The following CHRM2 variants were observed in gnomAD, a reference collection of about 807,000 sequenced individuals.
The protein encoded by CHRM2 is cholinergic receptor muscarinic 2, also known as muscarinic acetylcholine receptor M2.
In CHRM2, 8 loss-of-function variants were observed where a neutral mutation model predicts 25.0. That is an observed-to-expected ratio of 0.32 (90% CI 0.19 to 0.58). The LOEUF (loss-of-function observed/expected upper bound fraction) is 0.58, where lower values mean the gene tolerates loss of function less well. CHRM2 is among the 20% of genes least tolerant of loss of function. The pLI, the probability that CHRM2 is intolerant of heterozygous loss-of-function variation, is 0.88. For synonymous variants in CHRM2, 202 were observed against 205.7 expected, an observed-to-expected ratio of 0.98 and a Z score of 0.15; for missense variants, 440 against 567.1, an observed-to-expected ratio of 0.78 and a Z score of 2.28.
At chr7:136,985,430 A>T (rs1203334512) in intron 2 of CHRM2, among the ~76,000 whole-genome samples, 2 of 149,442 alleles carry the variant, frequency 1.3e-5, no homozygotes, top group Non-Finnish European at 3.0e-5. Flanking sequence ...GAATCGCTTG[A>T]ACCCGGCAGG....
At chr7:136,904,297 AAC>A (rs1396474491) in intron 2 of CHRM2, among the ~76,000 whole-genome samples, 1 of 151,882 alleles carries the variant, frequency 6.6e-6, no homozygotes, top group Non-Finnish European at 1.5e-5. Flanking sequence ...CATTTTTTAC[AAC>A]AGTTTTAAAA....
intron 3 of CHRM2, among the ~76,000 whole-genome samples, chr7:136,996,189 T>A (rs933289690): frequency 6.6e-5 from 10 of 151,950 alleles, no homozygotes; most frequent in Non-Finnish European, 1.2e-4. Context: ...CAGTTTAAAG[T>A]ATAAAATATA....
intron 2 of CHRM2, chr7:136,899,165 G>A (rs1022809455): frequency 6.6e-6 from 1 of 152,032 alleles, no homozygotes; most frequent in Non-Finnish European, 1.5e-5. Context: ...AAGCTAGTGG[G>A]AAAGTCCCTT....
intron 3 of CHRM2, among the ~76,000 whole-genome samples, chr7:136,995,873 T>A (rs1279431172): frequency 2.0e-5 from 3 of 151,878 alleles, no homozygotes; most frequent in Non-Finnish European, 4.4e-5. Flanking sequence ...ATAATAAAGA[T>A]AATTAAAAAT....
At chr7:136,936,989 C>T (rs1228822808) in intron 2 of CHRM2, among the ~76,000 whole-genome samples, 1 of 152,132 alleles carries the variant, frequency 6.6e-6, no homozygotes, top group Non-Finnish European at 1.5e-5. Flanking sequence ...CCATTTGTAT[C>T]AAACTAGTCA....
intron 2 of CHRM2, 119 bp from the exon 3 acceptor site, chr7:136,992,068 T>TTC (rs1803267799): frequency 6.6e-6 from 1 of 152,184 alleles, no homozygotes; most frequent in South Asian, 2.1e-4. Context: ...CAACAGACTT[T>TTC]TCTCTCAAGA....
intron 2 of CHRM2, 122 bp from the exon 3 acceptor site, chr7:136,992,065 C>T (rs1484150401): frequency 6.6e-6 from 1 of 152,146 alleles, no homozygotes; most frequent in Non-Finnish European, 1.5e-5. Flanking sequence ...TCACAACAGA[C>T]TTTTCTCTCA....
chr7:136,979,285 C>G (rs1351661280), intron 2 of CHRM2, among the ~76,000 whole-genome samples: 7 of 151,930 alleles, frequency 4.6e-5, no homozygotes, highest in Admixed American at 4.6e-4. Context: ...TGCCCACTTT[C>G]TGATGGAATT....
intron 2 of CHRM2, among the ~76,000 whole-genome samples, chr7:136,873,324 AC>A (rs1795916718): frequency 6.6e-6 from 1 of 152,170 alleles, no homozygotes; most frequent in South Asian, 2.1e-4. Context: ...GATGCAAGTC[AC>A]CTTTCCTTAG....
chr7:136,906,249 A>G (rs1797540160), intron 2 of CHRM2, among the ~76,000 whole-genome samples: 1 of 150,944 alleles, frequency 6.6e-6, no homozygotes, highest in African/African-American at 2.4e-5. Flanking sequence ...CATATTATAC[A>G]TATATATGTG....
At chr7:136,954,939 C>A (rs935724189) in intron 2 of CHRM2, among the ~76,000 whole-genome samples, 1 of 152,174 alleles carries the variant, frequency 6.6e-6, no homozygotes, top group African/African-American at 2.4e-5. Context: ...TTCCTCAACA[C>A]AGACCTATAT....
At chr7:136,978,040 G>GAT (rs4032739) in intron 2 of CHRM2, among the ~76,000 whole-genome samples, 129,836 of 151,626 alleles carry the variant, frequency 0.86, 56,393 homozygotes, top group Middle Eastern at 0.97. Context: ...CTTAATATAA[G>GAT]AAATAGACAC....
chr7:136,949,620 C>A (rs1022706682), intron 2 of CHRM2, among the ~76,000 whole-genome samples: 1 of 151,940 alleles, frequency 6.6e-6, no homozygotes, highest in Non-Finnish European at 1.5e-5. Flanking sequence ...AGAACAAGAT[C>A]CTGTATTGAA....
intron 3 of CHRM2, among the ~76,000 whole-genome samples, chr7:136,993,886 G>A (rs1237273010): frequency 6.6e-6 from 1 of 151,938 alleles, no homozygotes; most frequent in Non-Finnish European, 1.5e-5. Flanking sequence ...AGAAATCATA[G>A]CCATCAACTT....
chr7:136,985,425 G>C (rs952048260), intron 2 of CHRM2, among the ~76,000 whole-genome samples: 1 of 144,330 alleles, frequency 6.9e-6, no homozygotes, highest in Non-Finnish European at 1.5e-5. Context: ...TAGGAGAATC[G>C]CTTGAACCCG....
At chr7:136,872,440 A>G (rs1272215614) in intron 2 of CHRM2, among the ~76,000 whole-genome samples, 1 of 152,152 alleles carries the variant, frequency 6.6e-6, no homozygotes, top group African/African-American at 2.4e-5. Flanking sequence ...GTTAAAAAAC[A>G]AACAAACAAA....
At position 136,869,172 on chromosome 7, in the gene CHRM2, G is replaced by A. The variant is rs1795711506; in HGVS notation, c.-282-89G>A. ...CCCCGCAGCTCTCGCCAGAGCCTTGGGGTCGGTTCTCTCCCGCCTCTCCCG... is the reference window on the plus strand; with the variant it reads ...CCCCGCAGCTCTCGCCAGAGCCTTGAGGTCGGTTCTCTCCCGCCTCTCCCG... On this transcript the variant is annotated intron_variant, in intron 1 of 3. Transcript: ENST00000680005. The surrounding 1 kb of genome is among the most constrained non-coding windows in gnomAD (Gnocchi z 4.9). 1 of 152,302 alleles carries A rather than the reference G, an allele frequency of 6.6e-6. No individual in the cohort carries two copies. The highest frequency in any genetic ancestry group is 1.5e-5 in the Non-Finnish European group (1 of 68,170). 9.4% of individuals were successfully genotyped at this position (152,302 alleles called of 1,614,324 possible). A position where few individuals can be genotyped will look rare whatever the true frequency, so the allele number is the denominator to read the frequency against.
intron 2 of CHRM2, among the ~76,000 whole-genome samples, chr7:136,876,578 C>T (rs1234049195): frequency 6.6e-6 from 1 of 152,132 alleles, no homozygotes; most frequent in African/African-American, 2.4e-5. Flanking sequence ...TAGGCAACTT[C>T]ATAGGCTGAG....
intron 2 of CHRM2, among the ~76,000 whole-genome samples, chr7:136,875,187 G>GA (rs1796005796): frequency 1.3e-5 from 2 of 148,940 alleles, no homozygotes; most frequent in Admixed American, 6.7e-5. Context: ...TCTCCAGCAA[G>GA]AAAAAAATAT....
Sources: gnomAD v4.1 joint callset for allele counts (sites outside exome capture counted in the v4.1 genomes callset) on GRCh38, gnomAD v4.1.1 for gene constraint, Gnocchi (gnomAD v3.1) non-coding constraint, MANE v1.5 for transcripts, NCBI Gene and HGNC (gene_info 2026-07-23, HGNC 2026-07-21) for gene names.